MTMR10: variants seen among roughly 807,000 people sequenced by gnomAD.
The protein encoded by MTMR10 is myotubularin related protein 10, also known as myotubularin-related protein 10.
MTMR10 carries 56 observed loss-of-function variants against 88.1 expected under a neutral mutation model. The observed-to-expected ratio is 0.64, with a 90% CI of 0.51 to 0.79. The LOEUF (loss-of-function observed/expected upper bound fraction) is 0.79. Ranked by LOEUF, MTMR10 falls within the 30% of genes least tolerant of loss-of-function variation. The pLI, the probability that MTMR10 is intolerant of heterozygous loss-of-function variation, is 0.00. For missense variants in MTMR10, 883 were observed against 924.7 expected, an observed-to-expected ratio of 0.95 and a Z score of 0.58; for synonymous variants, 380 against 340.9, an observed-to-expected ratio of 1.11 and a Z score of -1.26.
intron 14 of MTMR10, among the ~76,000 whole-genome samples, chr15:30,945,318 G>A (rs905455204): frequency 6.6e-6 from 1 of 152,166 alleles, no homozygotes; most frequent in African/African-American, 2.4e-5. Flanking sequence ...AACATGAACA[G>A]GGAAAGCAGA....
chr15:30,970,489 A>C (rs566745812), intron 5 of MTMR10, among the ~76,000 whole-genome samples: 3 of 152,284 alleles, frequency 2.0e-5, no homozygotes, highest in Admixed American at 1.3e-4. Flanking sequence ...GCACCACTTC[A>C]GTAGCTTTCT....
intron 13 of MTMR10, 53 bp from the exon 14 acceptor site, chr15:30,947,353 C>T: frequency 6.4e-7 from 1 of 1,556,244 alleles, no homozygotes; most frequent in Non-Finnish European, 8.7e-7. Flanking sequence ...TTCAGCCGTT[C>T]ACATTTACTT....
chr15:30,952,101 C>T, intron 11 of MTMR10, 63 bp from the exon 12 acceptor site: 2 of 1,347,998 alleles, frequency 1.5e-6, no homozygotes, highest in Non-Finnish European at 2.1e-6. Context: ...ACATAAAGTA[C>T]TTGAAATCAA....
At chr15:30,960,033 G>C (rs761238909) in intron 7 of MTMR10, among the ~76,000 whole-genome samples, 38 of 152,180 alleles carry the variant, frequency 2.5e-4, no homozygotes, top group Non-Finnish European at 1.9e-4. Context: ...TTTCTTGTAC[G>C]AACTGTGTTA....
intron 9 of MTMR10, among the ~76,000 whole-genome samples, chr15:30,955,550 G>C (rs1028273011): frequency 1.3e-5 from 2 of 152,062 alleles, no homozygotes; most frequent in Non-Finnish European, 2.9e-5. Context: ...GATTACAGGC[G>C]TGAGCCACCG....
At chr15:30,929,179 C>CA in the MTMR10 span, 2 of 1,605,936 alleles carry the variant, frequency 1.2e-6, no homozygotes, top group South Asian at 2.2e-5. Flanking sequence ...CACAGTATGA[C>CA]AGCTTGCTTT....
At chr15:30,933,585 A>ATG in the MTMR10 span, among the ~76,000 whole-genome samples, 6 of 152,186 alleles carry the variant, frequency 3.9e-5, no homozygotes, top group Admixed American at 2.6e-4. Flanking sequence ...CTTGAAAAGA[A>ATG]TGTGTGTTTA....
chr15:30,958,619 T>C (rs975050153), intron 9 of MTMR10, among the ~76,000 whole-genome samples: 2 of 152,240 alleles, frequency 1.3e-5, no homozygotes, highest in African/African-American at 4.8e-5. Flanking sequence ...TATAGCAAGA[T>C]GTCAGCAATG....
intron 11 of MTMR10, among the ~76,000 whole-genome samples, chr15:30,952,941 C>T (rs2063270887): frequency 6.6e-6 from 1 of 152,124 alleles, no homozygotes; most frequent in Non-Finnish European, 1.5e-5. Context: ...AGGTGCGTGC[C>T]ACCATGCTTG....
intron 9 of MTMR10, among the ~76,000 whole-genome samples, chr15:30,958,141 A>G (rs2141018572): frequency 6.6e-6 from 1 of 152,372 alleles, no homozygotes; most frequent in Non-Finnish European, 1.5e-5. Context: ...GTCAAGGTAG[A>G]CTGAAGATAT....
At position 30,961,067 on chromosome 15, in the gene MTMR10, T is replaced by C. The variant is rs766426346; in HGVS notation, c.572A>G (p.Lys191Arg). 36 of 1,546,166 alleles carry C rather than the reference T, an allele frequency of 2.3e-5. No individual in the cohort carries two copies. Among genetic ancestry groups the C allele is most frequent in the Non-Finnish European group, 3.0e-5 (34 of 1,144,962 alleles). ...ATCTCCTGAGGGAATTCCATTAATTTTGTTTGCTGTAGGAAAAAGCAACAT... is the reference window on the plus strand; with the variant it reads ...ATCTCCTGAGGGAATTCCATTAATTCTGTTTGCTGTAGGAAAAAGCAACAT... ...VGKKYHNSANKINGIPSGDGG... is the reference protein window; with the variant it reads ...VGKKYHNSANRINGIPSGDGG... Residue 191 changes from lysine (K) to arginine (R), a missense_variant, in exon 7 of 16, where the codon AAA becomes AGA. Lys to Arg is a conservative substitution (Grantham distance 26). Transcript: ENST00000435680.
At chr15:30,936,059 C>T (rs2062844178), downstream of MTMR10, among the ~76,000 whole-genome samples, 1 of 151,764 alleles carries the variant, frequency 6.6e-6, no homozygotes, top group African/African-American at 2.4e-5. Flanking sequence ...AATTAAATGT[C>T]CCTTAGGCTG....
chr15:30,936,209 C>T (rs367883410), downstream of MTMR10, among the ~76,000 whole-genome samples: 264 of 152,164 alleles, frequency 1.7e-3, 7 homozygotes, highest in South Asian at 0.044. Context: ...ATATTTTTAT[C>T]TTATGAATGC....
At chr15:30,952,523 C>T in intron 11 of MTMR10, among the ~76,000 whole-genome samples, 1 of 151,332 alleles carries the variant, frequency 6.6e-6, no homozygotes, top group Non-Finnish European at 1.5e-5. Flanking sequence ...AGCCACCATG[C>T]CTGCCTAGTT....
In MTMR10 at chr15:30,991,489, C is replaced by A. The variant is rs1281978886; in HGVS notation, c.18G>T (p.Pro6=). The part of the protein sequence containing the change: MFSLK[P]PKPTFRSYLL... ...GGTAGGACCTGAAGGTGGGTTTGGG[C>A]GGCTTGAGGGAGAACATGGTGCCGC... The change falls in exon 1 of 16, where the codon CCG becomes CCT. Residue 6 remains proline, a synonymous_variant. Coordinates refer to ENST00000435680, the MANE Select transcript of MTMR10 (RefSeq NM_017762.3). 1 of 1,518,348 alleles carries A rather than the reference C, an allele frequency of 6.6e-7. No homozygotes were observed. Among genetic ancestry groups the A allele is most frequent in the Non-Finnish European group, 8.8e-7 (1 of 1,142,052 alleles). 94.1% of individuals were successfully genotyped at this position (1,518,348 alleles called of 1,614,324 possible).
In MTMR10 at chr15:30,943,520, T is replaced by A. The variant is rs550364569; in HGVS notation, c.1549-448A>T. On this transcript the variant is annotated intron_variant, in intron 14 of 15. Coordinates refer to ENST00000435680, the MANE Select transcript of MTMR10 (RefSeq NM_017762.3). ...AATCACTGCCACCAATTTTATAACT[T>A]ACTTCGTAAGTGGGGAGCTACACTT... 7.1e-5 allele frequency: 70 copies of A among 985,456 alleles called. 1 individual carries two copies. In the South Asian group the frequency reaches 2.9e-3, roughly 40 times the overall value. 61.0% of individuals were successfully genotyped at this position (985,456 alleles called of 1,614,324 possible). A position where few individuals can be genotyped will look rare whatever the true frequency, so the allele number is the denominator to read the frequency against.
At chr15:30,923,276 G>A in the MTMR10 span, among the ~76,000 whole-genome samples, 9 of 152,260 alleles carry the variant, frequency 5.9e-5, no homozygotes, top group South Asian at 1.5e-3. Context: ...CTTACCACTC[G>A]GTGTTTACTG....
the MTMR10 span, among the ~76,000 whole-genome samples, chr15:30,921,150 G>A: frequency 6.6e-6 from 1 of 152,178 alleles, no homozygotes; most frequent in Non-Finnish European, 1.5e-5. Context: ...TCTTGGATTA[G>A]TAGAGAGAAG....
chr15:30,948,570 T>C, intron 12 of MTMR10, 99 bp from the exon 13 acceptor site: 1 of 1,228,260 alleles, frequency 8.1e-7, no homozygotes, highest in East Asian at 2.5e-5. Context: ...TCTGCACACC[T>C]AGGCTGCCTT....
Sources: allele counts gnomAD v4.1 joint callset (sites outside exome capture counted in the v4.1 genomes callset), GRCh38; gene constraint gnomAD v4.1.1; transcripts MANE v1.5; gene names NCBI Gene and HGNC (gene_info 2026-07-23, HGNC 2026-07-21).